The following CMIP variants were observed in gnomAD, a reference collection of about 807,000 sequenced individuals.
The protein encoded by CMIP is C-Maf-inducing protein.
CMIP carries 13 observed loss-of-function variants against 97.3 expected under a neutral mutation model. The ratio of observed to expected loss-of-function variants is 0.13; its 90% CI spans 0.09 to 0.21. The LOEUF (loss-of-function observed/expected upper bound fraction) is 0.21, where lower values mean the gene tolerates loss of function less well. CMIP is among the 10% of genes least tolerant of loss of function. The pLI is 1.00. For missense variants in CMIP, 847 were observed against 1,024.9 expected, an observed-to-expected ratio of 0.83 and a Z score of 2.37; for synonymous variants, 538 against 436.3, an observed-to-expected ratio of 1.23 and a Z score of -2.91.
intron 1 of CMIP, among the ~76,000 whole-genome samples, chr16:81,541,698 C>T (rs775047654): frequency 5.3e-5 from 8 of 152,020 alleles, no homozygotes; most frequent in East Asian, 1.9e-4. Flanking sequence ...ACAAAACAAC[C>T]GATGTTGTGG....
At chr16:81,673,715 G>A (rs12920705) in intron 9 of CMIP, among the ~76,000 whole-genome samples, 10,233 of 152,176 alleles carry the variant, frequency 0.067, 459 homozygotes, top group Non-Finnish European at 0.098. Flanking sequence ...AACTGCTCCC[G>A]GGATGCAGAC....
At chr16:81,700,881 G>C (rs976682918) in intron 15 of CMIP, among the ~76,000 whole-genome samples, 9 of 152,184 alleles carry the variant, frequency 5.9e-5, no homozygotes, top group African/African-American at 2.2e-4. Context: ...AATCTTGGCT[G>C]TCCTGTGACA....
intron 2 of CMIP, chr16:81,620,108 G>T (rs773509642): frequency 1.3e-5 from 2 of 152,148 alleles, no homozygotes; most frequent in African/African-American, 2.4e-5. Context: ...AATAATTTCT[G>T]GTCTTTAAAA....
At chr16:81,457,925 A>G (rs1906662066) in intron 1 of CMIP, among the ~76,000 whole-genome samples, 1 of 151,930 alleles carries the variant, frequency 6.6e-6, no homozygotes, top group Non-Finnish European at 1.5e-5. Flanking sequence ...GCTCCCCCCT[A>G]CCTTTGATCC....
chr16:81,683,021 A>G (rs143311252), intron 10 of CMIP, among the ~76,000 whole-genome samples: 15 of 152,332 alleles, frequency 9.8e-5, no homozygotes, highest in African/African-American at 3.6e-4. Context: ...CTGGGCACCT[A>G]TGTATGATTC....
chr16:81,696,497 C>T (rs1906732679), intron 13 of CMIP, 63 bp from the exon 14 acceptor site: 17 of 1,491,376 alleles, frequency 1.1e-5, no homozygotes, highest in Admixed American at 1.9e-5. Context: ...GTGTGCAGAT[C>T]ATGGTCGCCC....
chr16:81,473,255 G>A (rs374415788), intron 1 of CMIP, among the ~76,000 whole-genome samples: 57 of 152,308 alleles, frequency 3.7e-4, no homozygotes, highest in Admixed American at 2.9e-3. Context: ...GTCTTCCTTC[G>A]TGTTTGCCGT....
intron 1 of CMIP, among the ~76,000 whole-genome samples, chr16:81,588,738 C>T (rs543257556): frequency 3.9e-5 from 6 of 152,264 alleles, no homozygotes; most frequent in Non-Finnish European, 5.9e-5. Flanking sequence ...CTGTGAAAGC[C>T]GGTGTGCTGT....
intron 1 of CMIP, chr16:81,464,800 A>G (rs1421001673): frequency 6.6e-6 from 1 of 152,220 alleles, no homozygotes; most frequent in African/African-American, 2.4e-5. Flanking sequence ...GCTAAGTGGA[A>G]TCATACGGTA....
intron 3 of CMIP, among the ~76,000 whole-genome samples, chr16:81,622,756 A>T (rs1488620692): frequency 6.6e-6 from 1 of 152,166 alleles, no homozygotes; most frequent in Admixed American, 6.5e-5. Context: ...CACATTTTCA[A>T]CAGTGACTTA....
chr16:81,572,556 C>T (rs763301349), intron 1 of CMIP, among the ~76,000 whole-genome samples: 16 of 152,204 alleles, frequency 1.1e-4, no homozygotes, highest in East Asian at 1.9e-4. Context: ...CCTTCCCTGA[C>T]GGGAGTTAGG....
At position 81,684,497 on chromosome 16, in the gene CMIP, A is replaced by G. The variant is rs748221499; in HGVS notation, c.1388+5869A>G. 1.8e-4 allele frequency among the ~76,000 whole-genome samples: 27 copies of G among 152,218 alleles called. No individual in the cohort carries two copies. In the South Asian group the frequency reaches 1.9e-3, roughly 11 times the overall value. On this transcript the variant is annotated intron_variant, in intron 10 of 20. Coordinates refer to ENST00000537098, the MANE Select transcript of CMIP (RefSeq NM_198390.3). ...AAGCGTCCTGTCCACAGGGCAGCAC[A>G]GGGCTCTGGTTGAGGTGGCATCTTC...
At chr16:81,599,478 T>C (rs74535823) in intron 1 of CMIP, among the ~76,000 whole-genome samples, 1,747 of 152,332 alleles carry the variant, frequency 0.011, 31 homozygotes, top group African/African-American at 0.04. Context: ...TCTATAGGTG[T>C]CTGAGGACCT....
chr16:81,651,707 G>A (rs575220124), intron 3 of CMIP, among the ~76,000 whole-genome samples: 7 of 152,140 alleles, frequency 4.6e-5, no homozygotes, highest in South Asian at 2.1e-4. Flanking sequence ...CAGAAGATAC[G>A]ATCTAAAAGA....
intron 2 of CMIP, chr16:81,619,514 G>C (rs1170687170): frequency 6.6e-6 from 1 of 152,272 alleles, no homozygotes; most frequent in East Asian, 1.9e-4. Flanking sequence ...GAAGGTGGAT[G>C]TTCGTGCTTG....
chr16:81,468,985 G>T (rs575326431), intron 1 of CMIP, among the ~76,000 whole-genome samples: 2 of 152,356 alleles, frequency 1.3e-5, no homozygotes, highest in Non-Finnish European at 2.9e-5. Context: ...TTACAGGAAG[G>T]CCCCATGAAC....
At chr16:81,662,819 G>T (rs1424375462) in intron 6 of CMIP, among the ~76,000 whole-genome samples, 1 of 152,174 alleles carries the variant, frequency 6.6e-6, no homozygotes, top group Non-Finnish European at 1.5e-5. Context: ...AATTGGGTCT[G>T]CAGACTGCCA....
intron 1 of CMIP, among the ~76,000 whole-genome samples, chr16:81,538,416 C>T (rs749253018): frequency 6.6e-6 from 1 of 152,348 alleles, no homozygotes; most frequent in South Asian, 2.1e-4. Flanking sequence ...TCCAAAACAG[C>T]TTCATCATCA....
intron 1 of CMIP, among the ~76,000 whole-genome samples, chr16:81,524,067 G>A (rs1190561009): frequency 2.6e-5 from 4 of 152,204 alleles, no homozygotes; most frequent in African/African-American, 9.6e-5. Context: ...TGGCTCCCTT[G>A]GCCTCTGCCT....
Sources: allele counts gnomAD v4.1 joint callset (sites outside exome capture counted in the v4.1 genomes callset), GRCh38; gene constraint gnomAD v4.1.1; transcripts MANE v1.5; gene names NCBI Gene and HGNC (gene_info 2026-07-23, HGNC 2026-07-21).